The following RNF150 variants were observed in gnomAD, a reference collection of about 807,000 sequenced individuals.
RNF150 encodes ring finger protein 150.
RNF150 carries 24 observed loss-of-function variants against 39.3 expected under a neutral mutation model. The ratio of observed to expected loss-of-function variants is 0.61; its 90% CI spans 0.44 to 0.86. The LOEUF (loss-of-function observed/expected upper bound fraction) is 0.86, where lower values mean the gene tolerates loss of function less well. RNF150 is among the 40% of genes least tolerant of loss of function. The pLI is 0.00. For missense variants in RNF150, 502 were observed against 587.8 expected (o/e 0.85, Z 1.51); for synonymous variants, 255 against 227.3 (o/e 1.12, Z -1.10).
intron 5 of RNF150, among the ~76,000 whole-genome samples, chr4:140,923,422 T>TA (rs1208572045): frequency 6.6e-6 from 1 of 152,152 alleles, no homozygotes; most frequent in Non-Finnish European, 1.5e-5. Flanking sequence ...CACAATGAGA[T>TA]ACCATCTCAC....
At chr4:141,044,811 C>T (rs1736508478) in intron 1 of RNF150, among the ~76,000 whole-genome samples, 1 of 145,250 alleles carries the variant, frequency 6.9e-6, no homozygotes, top group Non-Finnish European at 1.5e-5. Flanking sequence ...TTCATGTGAG[C>T]CTGGGAGGGT....
At chr4:141,077,194 C>A (rs555916672) in intron 1 of RNF150, among the ~76,000 whole-genome samples, 2 of 152,256 alleles carry the variant, frequency 1.3e-5, no homozygotes, top group South Asian at 2.1e-4. Context: ...TCACACAAGA[C>A]CCTCTACACA....
chr4:140,884,016 C>G (rs1560947265), intron 6 of RNF150, among the ~76,000 whole-genome samples: 1 of 151,882 alleles, frequency 6.6e-6, no homozygotes, highest in Non-Finnish European at 1.5e-5. Context: ...TTTCAAGTGA[C>G]TTTTCCTCAA....
intron 1 of RNF150, among the ~76,000 whole-genome samples, chr4:140,999,919 C>G (rs1734513894): frequency 9.1e-6 from 1 of 109,346 alleles, no homozygotes; most frequent in Non-Finnish European, 2.1e-5. Flanking sequence ...GCCTGGGTAA[C>G]AGAGTGAGAC....
chr4:141,199,388 T>TA (rs1226784952), intron 1 of RNF150, among the ~76,000 whole-genome samples: 13 of 152,196 alleles, frequency 8.5e-5, no homozygotes, highest in African/African-American at 2.7e-4. Context: ...TTATTTTACA[T>TA]AAAAACCTTT....
chr4:141,091,384 A>C (rs1396818717), intron 1 of RNF150, among the ~76,000 whole-genome samples: 2 of 152,360 alleles, frequency 1.3e-5, no homozygotes, highest in South Asian at 4.1e-4. Context: ...CGTTAAAAAA[A>C]ATCAAATGAC....
At chr4:141,127,206 G>A (rs139745177) in intron 1 of RNF150, among the ~76,000 whole-genome samples, 20 of 152,220 alleles carry the variant, frequency 1.3e-4, no homozygotes, top group African/African-American at 2.4e-4. Flanking sequence ...CAGTTTCCTC[G>A]TCTATCAAAC....
At chr4:140,939,725 A>C (rs1215706431) in intron 4 of RNF150, among the ~76,000 whole-genome samples, 1 of 151,736 alleles carries the variant, frequency 6.6e-6, no homozygotes, top group African/African-American at 2.4e-5. Flanking sequence ...TTTGAGTGAC[A>C]GTTTGCAAGC....
intron 1 of RNF150, among the ~76,000 whole-genome samples, chr4:141,014,273 A>G (rs1360737463): frequency 6.6e-6 from 1 of 152,164 alleles, no homozygotes; most frequent in Non-Finnish European, 1.5e-5. Context: ...TCATATCTTG[A>G]CTATTTGTGA....
chr4:141,172,343 G>A (rs1051677786), intron 1 of RNF150, among the ~76,000 whole-genome samples: 1 of 152,152 alleles, frequency 6.6e-6, no homozygotes, highest in African/African-American at 2.4e-5. Flanking sequence ...TTAGCCAAAG[G>A]AAGGCGCACA....
At chr4:141,048,641 G>A (rs551907609) in intron 1 of RNF150, among the ~76,000 whole-genome samples, 24 of 152,266 alleles carry the variant, frequency 1.6e-4, no homozygotes, top group Non-Finnish European at 2.9e-4. Flanking sequence ...GCTGAGGCAG[G>A]AGGATCCCTT....
chr4:141,120,249 A>G (rs1396581661), intron 1 of RNF150, among the ~76,000 whole-genome samples: 1 of 152,228 alleles, frequency 6.6e-6, no homozygotes, highest in Non-Finnish European at 1.5e-5. Flanking sequence ...GAGAGAATGA[A>G]CAGCAGATGA....
At chr4:141,079,346 C>T (rs1364598771) in intron 1 of RNF150, among the ~76,000 whole-genome samples, 1 of 152,188 alleles carries the variant, frequency 6.6e-6, no homozygotes, top group African/African-American at 2.4e-5. Context: ...CCTAAGAAGG[C>T]TAAACACTGC....
chr4:141,057,025 A>G (rs3863129), intron 1 of RNF150, among the ~76,000 whole-genome samples: 116,375 of 152,026 alleles, frequency 0.77, 45,111 homozygotes, highest in Non-Finnish European at 0.84. Flanking sequence ...TTCTTTGCAA[A>G]TTATTTAACC....
rs1363621167 is a variant in RNF150, at chr4:140,938,555, G to A, written c.890+9099C>T. On this transcript the variant is annotated intron_variant, in intron 4 of 6. Transcript: ENST00000515673. ...ATAAGGAAGCTCTGTGGGACCTAACGAACAAACAACCTTCCAAGGCCTGGC... is the reference window on the plus strand; with the variant it reads ...ATAAGGAAGCTCTGTGGGACCTAACAAACAAACAACCTTCCAAGGCCTGGC... Among the ~76,000 whole-genome samples, 32 of 152,138 alleles carry A rather than the reference G, an allele frequency of 2.1e-4. 1 individual carries two copies. Among genetic ancestry groups the A allele is most frequent in the Admixed American group, 1.8e-3 (27 of 15,274 alleles).
At chr4:140,963,239 T>C (rs551799522) in intron 2 of RNF150, among the ~76,000 whole-genome samples, 25 of 152,110 alleles carry the variant, frequency 1.6e-4, no homozygotes, top group Non-Finnish European at 2.9e-4. Flanking sequence ...ATAAAATTAA[T>C]AGAAAAGGAA....
At chr4:141,001,186 T>C (rs1418212595) in intron 1 of RNF150, among the ~76,000 whole-genome samples, 1 of 152,208 alleles carries the variant, frequency 6.6e-6, no homozygotes, top group Non-Finnish European at 1.5e-5. Context: ...AAAAATACAA[T>C]ACATCTTTAA....
At chr4:141,003,311 A>C (rs987897494) in intron 1 of RNF150, among the ~76,000 whole-genome samples, 3 of 152,196 alleles carry the variant, frequency 2.0e-5, no homozygotes, top group African/African-American at 7.2e-5. Context: ...CGTAGGATAC[A>C]CAGGAGACTA....
chr4:140,889,054 A>T lies in RNF150; in HGVS notation c.1199-20675T>A, dbSNP rs569735727. Among the ~76,000 whole-genome samples the T allele has an allele frequency of 1.2e-3, 184 of 151,034 alleles. 9 individuals are homozygous for T. In the South Asian group the frequency reaches 0.038, roughly 31 times the overall value. On this transcript the variant is annotated intron_variant, in intron 6 of 6. Transcript: ENST00000515673. ...CTTTAAACAGTTTGTTTTTTTTTTT[A>T]AATGAAAAAATAGAGATGGGGTCTT...
Sources: gnomAD v4.1 joint callset for allele counts (sites outside exome capture counted in the v4.1 genomes callset) on GRCh38, gnomAD v4.1.1 for gene constraint, MANE v1.5 for transcripts, NCBI Gene and HGNC (gene_info 2026-07-23, HGNC 2026-07-21) for gene names.